ATN1: variants seen among roughly 807,000 people sequenced by gnomAD.
ATN1 encodes atrophin-1.
In ATN1, 19 loss-of-function variants were observed where a neutral mutation model predicts 85.8. The observed-to-expected ratio is 0.22, with a 90% CI of 0.15 to 0.32. The LOEUF (loss-of-function observed/expected upper bound fraction) is 0.32, where lower values mean the gene tolerates loss of function less well. Ranked by LOEUF, ATN1 falls within the 10% of genes least tolerant of loss-of-function variation. ATN1 has a pLI of 1.00. For synonymous variants in ATN1, 674 were observed against 657.0 expected (o/e 1.03, Z -0.39); for missense variants, 1,453 against 1,564.5 (o/e 0.93, Z 1.20).
chr12:6,934,633 C>T lies in ATN1; in HGVS notation c.279+55C>T. On this transcript the variant is annotated intron_variant, in intron 4 of 9. Transcript: ENST00000396684. The surrounding 1 kb of genome is among the most constrained non-coding windows in gnomAD (Gnocchi z 4.5). ...ATCTTGTGACCATTCTTTTCTCAGACTTGCTTATGCTCACTATTCTTAGCT... is the reference window on the plus strand; with the variant it reads ...ATCTTGTGACCATTCTTTTCTCAGATTTGCTTATGCTCACTATTCTTAGCT... The T allele has an allele frequency of 1.6e-6, 2 of 1,281,968 alleles. No homozygotes were observed. Among genetic ancestry groups the T allele is most frequent in the Middle Eastern group, 3.6e-4 (2 of 5,500 alleles). 79.4% of individuals were successfully genotyped at this position (1,281,968 alleles called of 1,614,324 possible).
Position 6,937,440 on chromosome 12 carries a change from C to A in ATN1, c.2173C>A (p.Gln725Lys). 1 of 1,547,212 alleles carries A rather than the reference C, an allele frequency of 6.5e-7. No homozygotes were observed. The highest frequency in any genetic ancestry group is 8.7e-7 in the Non-Finnish European group (1 of 1,147,250). ...PASGPPLSAT[Q>K]IKQEPAEEYE... ...CTCAGGGCCGCCCCTGAGCGCCACG[C>A]AGATCAAACAGGAGCCGGCTGAGGA... is the stretch of plus-strand genomic sequence containing the variant. Residue 725 changes from glutamine to lysine, a missense_variant, in exon 5 of 10, where the codon CAG becomes AAG. Coordinates refer to ENST00000396684, the MANE Select transcript of ATN1 (RefSeq NM_001940.4). The surrounding 1 kb of genome is among the most constrained non-coding windows in gnomAD (Gnocchi z 6.0).
intron 1 of ATN1, among the ~76,000 whole-genome samples, chr12:6,932,948 TGAG>T (rs1945483906): frequency 6.6e-6 from 1 of 152,222 alleles, no homozygotes; most frequent in African/African-American, 2.4e-5. Context: ...CAGCAACTTC[TGAG>T]GAGAATACAG....
chr12:6,938,455 A>G lies in ATN1; in HGVS notation c.2518-26A>G, dbSNP rs1555144201. On this transcript the variant is annotated intron_variant, in intron 6 of 9. Transcript: ENST00000396684. ...ACCTCTTTTCATAACTGCCGCTTTGACTCCACTTTTCCCTGTATCCCACAG... is the reference window on the plus strand; with the variant it reads ...ACCTCTTTTCATAACTGCCGCTTTGGCTCCACTTTTCCCTGTATCCCACAG... The G allele has an allele frequency of 1.9e-6, 3 of 1,580,854 alleles. No homozygotes were observed. The South Asian group carries it at 3.4e-5, about 18-fold the overall frequency.
At position 6,933,832 on chromosome 12, in the gene ATN1, T is replaced by G. The variant is rs1945495933; in HGVS notation, c.-162-8T>G. On this transcript the variant is annotated splice_region_variant and splice_polypyrimidine_tract_variant and intron_variant, in intron 1 of 9. Transcript: ENST00000396684. ...AAGTTGGAGACTCTGATGGTTTCCT[T>G]CTAACAGGTTTCATTGAAAACAGAT... 1 of 711,754 alleles carries G rather than the reference T, an allele frequency of 1.4e-6. No individual in the cohort carries two copies. Among genetic ancestry groups the G allele is most frequent in the East Asian group, 2.7e-5 (1 of 37,148 alleles). 44.1% of individuals were successfully genotyped at this position (711,754 alleles called of 1,614,324 possible).
At position 6,938,567 on chromosome 12, in the gene ATN1, G is replaced by C; in HGVS notation, c.2604G>C (p.Ala868=). The change falls in exon 7 of 10, where the codon GCG becomes GCC. Residue 868 remains alanine, a synonymous_variant. Transcript: ENST00000396684. The part of the protein sequence containing the change: ...PHRPPFEPGS[A]VATVPPYLGP... ...GCCCTCCATTTGAACCGGGCAGTGC[G>C]GTGGCTACAGTGCCCCCCTACCTGG... 1 of 1,614,210 alleles carries C rather than the reference G, an allele frequency of 6.2e-7. No individual in the cohort carries two copies.
chr12:6,930,512 A>G (rs1484405029), intron 1 of ATN1, among the ~76,000 whole-genome samples: 3 of 152,172 alleles, frequency 2.0e-5, no homozygotes, highest in Non-Finnish European at 4.4e-5. Context: ...AAGTAAGGTA[A>G]TGGCAGTGCG....
At position 6,937,640 on chromosome 12, in the gene ATN1, A is replaced by G. The variant is rs1555144044; in HGVS notation, c.2294+79A>G. ...GGCGACGAGAGAGGGAGTAGCAGGG[A>G]GGGGCCTTGCGCTGGTGTAGTGTTT... On this transcript the variant is annotated intron_variant, in intron 5 of 9. Coordinates refer to ENST00000396684, the MANE Select transcript of ATN1 (RefSeq NM_001940.4). This position sits in a 1 kb window ranked among gnomAD's most constrained non-coding sequence, Gnocchi z 6.0. 12 of 1,435,198 alleles carry G rather than the reference A, an allele frequency of 8.4e-6. No homozygotes were observed. In the South Asian group the frequency reaches 1.7e-4, roughly 21 times the overall value. 88.9% of individuals were successfully genotyped at this position (1,435,198 alleles called of 1,614,324 possible).
Position 6,935,502 on chromosome 12 carries a change from A to C in ATN1, c.280-45A>C. The C allele has an allele frequency of 6.3e-7, 1 of 1,585,888 alleles. No individual in the cohort carries two copies. On this transcript the variant is annotated intron_variant, in intron 4 of 9. Transcript: ENST00000396684. This position sits in a 1 kb window ranked among gnomAD's most constrained non-coding sequence, Gnocchi z 5.3. ...GCAAGAGAGCCCCAAATCTCAGGGA[A>C]GCAGGAAAGGAAAAGAGAAAAAATG...
chr12:6,940,838 A>G, intron 7 of ATN1, 42 bp from the exon 8 acceptor site: 1 of 1,613,646 alleles, frequency 6.2e-7, no homozygotes, highest in Non-Finnish European at 8.5e-7. Flanking sequence ...GTTTGCCCCA[A>G]ACCTGCCTTC....
chr12:6,929,237 C>T (rs1346813512), intron 1 of ATN1, among the ~76,000 whole-genome samples: 16 of 152,132 alleles, frequency 1.1e-4, no homozygotes, highest in African/African-American at 3.6e-4. Flanking sequence ...CTTACAGGCA[C>T]TCCAGGCAAG....
rs1555143938 is a variant in ATN1, at chr12:6,937,278, C to T, written c.2011C>T (p.Pro671Ser). Residue 671 changes from proline to serine, a missense_variant, in exon 5 of 10, where the codon CCG becomes TCG. Around this residue, in one of 6 missense-constraint regions of ATN1, gnomAD observed 990 missense variants for 914.8 expected, o/e 1.08. Transcript: ENST00000396684. This position sits in a 1 kb window ranked among gnomAD's most constrained non-coding sequence, Gnocchi z 6.0. Reference protein sequence around the residue: ...SPPSFRTGTPPGYRGTSPPAG... With the variant: ...SPPSFRTGTPSGYRGTSPPAG... The stretch of plus-strand genomic sequence containing the variant: ...TCCCTCCTTCCGAACGGGGACCCCA[C>T]CGGGCTATCGAGGAACCTCGCCACC... The T allele has an allele frequency of 1.2e-6, 2 of 1,607,038 alleles. No homozygotes were observed. The highest frequency in any genetic ancestry group is 1.7e-6 in the Non-Finnish European group (2 of 1,177,662).
At chr12:6,928,583 G>A (rs12819628) in intron 1 of ATN1, among the ~76,000 whole-genome samples, 199 bp downstream of exon 1, 1 of 152,140 alleles carries the variant, frequency 6.6e-6, no homozygotes, top group Non-Finnish European at 1.5e-5. Flanking sequence ...GGGGCCCGCC[G>A]AGGAGAGTCG....
Position 6,939,023 on chromosome 12 carries a change from G to C in ATN1, c.3060G>C (p.Arg1020=). Residue 1020 remains arginine (R), a synonymous_variant, in exon 7 of 10, where the codon CGG becomes CGC. Coordinates refer to ENST00000396684, the MANE Select transcript of ATN1 (RefSeq NM_001940.4). The part of the protein sequence containing the change: ...ALRPDMSYAE[R]LAAERQHAER... ...GGCCTGACATGTCCTATGCTGAGCG[G>C]CTGGCAGCTGAGAGGCAGCACGCAG... The C allele has an allele frequency of 6.2e-7, 1 of 1,610,612 alleles. No homozygotes were observed. Among genetic ancestry groups the C allele is most frequent in the East Asian group, 2.2e-5 (1 of 44,884 alleles).
intron 7 of ATN1, among the ~76,000 whole-genome samples, chr12:6,940,299 T>C (rs1006711810): frequency 4.1e-5 from 6 of 145,742 alleles, no homozygotes; most frequent in Non-Finnish European, 7.5e-5. Context: ...TTCCTTTTTT[T>C]CTTTTGCCCA....
In ATN1 at chr12:6,939,017, T is replaced by C. The variant is rs1945598233; in HGVS notation, c.3054T>C (p.Ala1018=). The C allele has an allele frequency of 6.2e-7, 1 of 1,611,438 alleles. No individual in the cohort carries two copies. ...GPALRPDMSY[A]ERLAAERQHA... ...CCCTGCGGCCTGACATGTCCTATGCTGAGCGGCTGGCAGCTGAGAGGCAGC... is the reference window on the plus strand; with the variant it reads ...CCCTGCGGCCTGACATGTCCTATGCCGAGCGGCTGGCAGCTGAGAGGCAGC... Residue 1018 remains alanine, a synonymous_variant, in exon 7 of 10, where the codon GCT becomes GCC. Transcript: ENST00000396684.
At chr12:6,939,784 G>T (rs779655638) in intron 7 of ATN1, among the ~76,000 whole-genome samples, 1 of 152,136 alleles carries the variant, frequency 6.6e-6, no homozygotes, top group Non-Finnish European at 1.5e-5. Context: ...GATTACAGGC[G>T]TGAGCCACCG....
In ATN1 at chr12:6,937,492, C is replaced by T; in HGVS notation, c.2225C>T (p.Pro742Leu). Residue 742 changes from proline (P) to leucine (L), a missense_variant, in exon 5 of 10, where the codon CCC (proline) becomes CTC (leucine). This residue lies in a region of ATN1 where 990 missense variants were observed against 914.8 expected (regional missense o/e 1.08). Transcript: ENST00000396684. The surrounding 1 kb of genome is among the most constrained non-coding windows in gnomAD (Gnocchi z 6.0). Reference protein sequence around the residue: ...EEYETPESPVPPARSPSPPPK... With the variant: ...EEYETPESPVLPARSPSPPPK... ...TATGAGACCCCCGAGAGCCCGGTGC[C>T]CCCAGCCCGCAGCCCCTCGCCCCCT... The T allele has an allele frequency of 1.3e-6, 2 of 1,544,914 alleles. No individual in the cohort carries two copies. Among genetic ancestry groups the T allele is most frequent in the Non-Finnish European group, 1.7e-6 (2 of 1,146,794 alleles).
chr12:6,927,545 G>A (rs1323856794), upstream of ATN1, among the ~76,000 whole-genome samples: 1 of 147,184 alleles, frequency 6.8e-6, no homozygotes, highest in East Asian at 2.0e-4. Context: ...CTCCCGCGCC[G>A]GGCCCGCGGG....
Position 6,936,359 on chromosome 12 carries a change from T to C in ATN1, c.1092T>C (p.Ser364=), listed in dbSNP as rs1462806365. 1.2e-6 allele frequency: 2 copies of C among 1,613,844 alleles called. No homozygotes were observed. Among genetic ancestry groups the C allele is most frequent in the Non-Finnish European group, 1.7e-6 (2 of 1,179,952 alleles). Residue 364 remains serine (S), a synonymous_variant, in exon 5 of 10, where the codon TCT becomes TCC. Transcript: ENST00000396684. ...PSPHSLPPAS[S]SAPAPPMRFP... is the part of the protein sequence containing the mutation. ...CCCACTCTCTGCCTCCTGCTTCCTC[T>C]TCTGCTCCAGCGCCCCCCATGAGGT... is the stretch of plus-strand genomic sequence containing the variant.
Sources: allele counts gnomAD v4.1 joint callset (sites outside exome capture counted in the v4.1 genomes callset), GRCh38; gene constraint gnomAD v4.1.1; regional missense constraint gnomAD v4.1.1; non-coding constraint Gnocchi (gnomAD v3.1); transcripts MANE v1.5; gene names NCBI Gene and HGNC (gene_info 2026-07-23, HGNC 2026-07-21).